TXNDC8: variants seen among roughly 807,000 people sequenced by gnomAD.
TXNDC8 encodes thioredoxin domain containing 8.
A neutral mutation model predicts 12.9 loss-of-function variants in TXNDC8; 15 were observed. The ratio of observed to expected loss-of-function variants is 1.16; its 90% CI spans 0.78 to 1.79. The LOEUF (loss-of-function observed/expected upper bound fraction) is 1.79. Among genes scored for constraint, TXNDC8 ranks in the 40% most tolerant of loss-of-function variants. TXNDC8 has a pLI of 0.00. For synonymous variants in TXNDC8, 40 were observed against 35.4 expected (o/e 1.13, Z -0.46); for missense variants, 128 against 113.2 (o/e 1.13, Z -0.59).
intron 3 of TXNDC8, among the ~76,000 whole-genome samples, chr9:110,324,973 A>G (rs920335316): frequency 6.6e-6 from 1 of 152,120 alleles, no homozygotes; most frequent in East Asian, 1.9e-4. Flanking sequence ...TTAGCTGGGC[A>G]TGTTGGTTCT....
chr9:110,318,498 A>C (rs540229745), intron 3 of TXNDC8, among the ~76,000 whole-genome samples: 1 of 152,222 alleles, frequency 6.6e-6, no homozygotes, highest in Admixed American at 6.5e-5. Flanking sequence ...GCCCTTTGGG[A>C]GGCCGAGGCA....
At chr9:110,319,557 A>G (rs1017611371) in intron 3 of TXNDC8, among the ~76,000 whole-genome samples, 6 of 152,242 alleles carry the variant, frequency 3.9e-5, no homozygotes, top group Non-Finnish European at 8.8e-5. Flanking sequence ...CATTGCCACT[A>G]ATAAGAGGCA....
At chr9:110,310,722 G>A (rs9299184) in intron 3 of TXNDC8, among the ~76,000 whole-genome samples, 1,782 of 152,250 alleles carry the variant, frequency 0.012, 43 homozygotes, top group African/African-American at 0.04. Context: ...TATTGGAAGC[G>A]TAATATTAGA....
At chr9:110,329,162 T>C in intron 2 of TXNDC8, 70 bp downstream of exon 3, 1 of 1,301,488 alleles carries the variant, frequency 7.7e-7, no homozygotes, top group Non-Finnish European at 1.1e-6. Context: ...TAATAATTAC[T>C]GAGACAGTGC....
Position 110,306,193 on chromosome 9 carries a change from C to A in TXNDC8, c.196-1661G>T, listed in dbSNP as rs377375310. ...GCATATATTTTCAATTTATACTCTA[C>A]CAGCAGAGGATGAGTGTTCTAGCTC... On this transcript the variant is annotated intron_variant, in intron 3 of 4. Transcript: ENST00000423740. Among the ~76,000 whole-genome samples the A allele has an allele frequency of 1.1e-4, 17 of 152,250 alleles. No homozygotes were observed. In the East Asian group the frequency reaches 1.2e-3, roughly 10 times the overall value.
chr9:110,334,068 T>C (rs1839648574), intron 2 of TXNDC8, 148 bp downstream of exon 2: 2 of 576,850 alleles, frequency 3.5e-6, no homozygotes, highest in South Asian at 4.8e-5. Flanking sequence ...TAGATCTCGG[T>C]ATATTATCTT....
At position 110,326,193 on chromosome 9, in the gene TXNDC8, C is replaced by T. The variant is rs1001145157; in HGVS notation, c.177G>A (p.Met59Ile). 6.2e-7 allele frequency: 1 copy of T among 1,613,952 alleles called. No individual in the cohort carries two copies. Among genetic ancestry groups the T allele is most frequent in the African/African-American group, 1.3e-5 (1 of 74,918 alleles). Residue 59 changes from methionine to isoleucine, a missense_variant, in exon 3 of 5, where the codon ATG becomes ATA. Physicochemically the swap from Met to Ile is conservative, Grantham distance 10. Transcript: ENST00000423740. ...AACATACCTTCTGGCTTTTCTTGAA[C>T]ATCTGAAATGTGGGTATTGTTTTGA...
chr9:110,322,602 C>G (rs1050032028), intron 3 of TXNDC8: 2 of 985,306 alleles, frequency 2.0e-6, no homozygotes, highest in Admixed American at 6.1e-5. Context: ...GACACAAAAT[C>G]AGTTGAGAAC....
chr9:110,323,691 T>G, intron 3 of TXNDC8: 1 of 639,326 alleles, frequency 1.6e-6, no homozygotes, highest in Non-Finnish European at 2.4e-6. Context: ...TCTATGGGGA[T>G]AGTGTAGGCT....
In TXNDC8 at chr9:110,303,724, T is replaced by A. The variant is rs1587943732; in HGVS notation, c.262-16A>T. On this transcript the variant is annotated splice_polypyrimidine_tract_variant and intron_variant, in intron 4 of 4. Coordinates refer to ENST00000423740, the MANE Select transcript of TXNDC8 (RefSeq NM_001286946.2). ...CTGCAAGACACTTTAAATATAAATA[T>A]ACATTAAACACATTAAATTCATAAT... The A allele has an allele frequency of 2.6e-6, 4 of 1,551,374 alleles. No individual in the cohort carries two copies. Among genetic ancestry groups the A allele is most frequent in the Non-Finnish European group, 3.5e-6 (4 of 1,142,814 alleles).
chr9:110,310,792 T>C (rs778237467), intron 3 of TXNDC8, among the ~76,000 whole-genome samples: 15 of 152,252 alleles, frequency 9.9e-5, no homozygotes, highest in Admixed American at 1.3e-4. Flanking sequence ...AGCAATTTCA[T>C]ACTTATCCCT....
intron 3 of TXNDC8, among the ~76,000 whole-genome samples, chr9:110,317,212 G>T (rs1838916061): frequency 6.6e-6 from 1 of 152,214 alleles, no homozygotes; most frequent in Admixed American, 6.5e-5. Flanking sequence ...TTTACTGGAA[G>T]TGTAGGGTGA....
chr9:110,323,788 C>T, intron 3 of TXNDC8: 1 of 1,478,338 alleles, frequency 6.8e-7, no homozygotes, highest in Admixed American at 2.2e-5. Flanking sequence ...GATTCGTTTT[C>T]AGGTTTTACA....
chr9:110,315,753 C>T (rs546237541), intron 3 of TXNDC8, among the ~76,000 whole-genome samples: 3 of 149,694 alleles, frequency 2.0e-5, no homozygotes, highest in Admixed American at 6.7e-5. Flanking sequence ...GCTCAAGGAA[C>T]CCACCTGGCT....
chr9:110,317,798 A>G (rs1838942294), intron 3 of TXNDC8, among the ~76,000 whole-genome samples: 1 of 152,224 alleles, frequency 6.6e-6, no homozygotes, highest in African/African-American at 2.4e-5. Flanking sequence ...CCTTGGGAGA[A>G]AAGAGTTAAT....
downstream of TXNDC8, among the ~76,000 whole-genome samples, chr9:110,301,932 C>A (rs1399912809): frequency 2.0e-5 from 3 of 152,004 alleles, no homozygotes; most frequent in African/African-American, 7.2e-5. Flanking sequence ...CTAGTATGTG[C>A]TGGTTTCCTC....
chr9:110,336,666 T>G (rs1378604142), intron 1 of TXNDC8, among the ~76,000 whole-genome samples: 2 of 152,124 alleles, frequency 1.3e-5, no homozygotes, highest in Non-Finnish European at 1.5e-5. Flanking sequence ...AACTAGGCAT[T>G]CTGTCTCCAT....
intron 1 of TXNDC8, among the ~76,000 whole-genome samples, chr9:110,334,572 T>C (rs1326161682): frequency 1.3e-5 from 2 of 152,174 alleles, no homozygotes; most frequent in African/African-American, 4.8e-5. Context: ...CTTAACCAGG[T>C]GTACCATGCC....
chr9:110,302,163 T>C (rs1242723122), downstream of TXNDC8, among the ~76,000 whole-genome samples: 1 of 151,770 alleles, frequency 6.6e-6, no homozygotes, highest in African/African-American at 2.4e-5. Flanking sequence ...CTAATTTTTG[T>C]ATTTTTTTTT....
Sources: gnomAD v4.1 joint callset for allele counts (sites outside exome capture counted in the v4.1 genomes callset) on GRCh38, gnomAD v4.1.1 for gene constraint, MANE v1.5 for transcripts, NCBI Gene and HGNC (gene_info 2026-07-23, HGNC 2026-07-21) for gene names.